Variants in CLEC16A observed in about 807,000 individuals in gnomAD.
The protein encoded by CLEC16A is protein CLEC16A.
Under a neutral mutation model 109.5 loss-of-function variants are expected in CLEC16A, and 51 were observed. The ratio of observed to expected loss-of-function variants is 0.47; its 90% CI spans 0.37 to 0.59. CLEC16A has a LOEUF of 0.59. Among genes scored for constraint, CLEC16A ranks in the 20% least tolerant of loss-of-function variants. The probability of loss-of-function intolerance (pLI) is 0.00; values close to 1 mark genes in which losing one functional copy is unlikely to be tolerated. For synonymous variants in CLEC16A, 673 were observed against 564.2 expected (o/e 1.19, Z -2.73); for missense variants, 1,339 against 1,394.0 (o/e 0.96, Z 0.63).
chr16:10,982,279 C>T (rs900106705), intron 9 of CLEC16A, among the ~76,000 whole-genome samples: 10 of 152,090 alleles, frequency 6.6e-5, no homozygotes, highest in African/African-American at 2.4e-4. Context: ...GCATCCTGGC[C>T]CACCTGGGTT....
At chr16:10,960,279 T>G (rs1258458549) in intron 2 of CLEC16A, among the ~76,000 whole-genome samples, 2 of 152,148 alleles carry the variant, frequency 1.3e-5, no homozygotes, top group African/African-American at 2.4e-5. Context: ...CATAGTACAT[T>G]TTGTTGTCGT....
At chr16:10,966,003 A>G (rs2042483655) in intron 3 of CLEC16A, among the ~76,000 whole-genome samples, 1 of 152,148 alleles carries the variant, frequency 6.6e-6, no homozygotes, top group Non-Finnish European at 1.5e-5. Flanking sequence ...GGGCTCAGTA[A>G]GACACCCCAA....
chr16:10,964,437 G>A (rs1034333741), intron 3 of CLEC16A, among the ~76,000 whole-genome samples: 2 of 152,232 alleles, frequency 1.3e-5, no homozygotes, highest in African/African-American at 2.4e-5. Flanking sequence ...CTCCCTGCAC[G>A]TGCCTGGACA....
chr16:11,174,202 C>T lies in CLEC16A; in HGVS notation c.2807-4133C>T, dbSNP rs574767408. On this transcript the variant is annotated intron_variant, in intron 23 of 23. Coordinates refer to ENST00000409790, the MANE Select transcript of CLEC16A (RefSeq NM_015226.3). The surrounding 1 kb of genome is among the most constrained non-coding windows in gnomAD (Gnocchi z 4.7). ...CGACGAGTGTTCAGCCTGTCGGAGG[C>T]CGACAGTCATGGCGGCCACTGGGTT... is the stretch of plus-strand genomic sequence containing the variant. 44 of 469,578 alleles carry T rather than the reference C, an allele frequency of 9.4e-5. No homozygotes were observed. Among genetic ancestry groups the T allele is most frequent in the South Asian group, 6.8e-4 (44 of 64,550 alleles). The allele number at this position is 469,578 out of a possible 1,614,324, so 29.1% of individuals were successfully genotyped here.
intron 16 of CLEC16A, 62 bp from the exon 17 acceptor site, chr16:11,047,230 C>T: frequency 2.1e-6 from 3 of 1,412,774 alleles, no homozygotes; most frequent in Admixed American, 4.0e-5. Context: ...GTTTATAATA[C>T]TCTGTTGTTT....
At chr16:11,020,124 T>G in intron 11 of CLEC16A, 69 bp from the exon 12 acceptor site, 1 of 1,509,984 alleles carries the variant, frequency 6.6e-7, no homozygotes, top group Non-Finnish European at 8.9e-7. Flanking sequence ...TTCTCCAACA[T>G]GAGCATGTGT....
chr16:11,127,219 A>T (rs2052888921), intron 22 of CLEC16A, among the ~76,000 whole-genome samples: 1 of 152,170 alleles, frequency 6.6e-6, no homozygotes. Flanking sequence ...CTGATGCTGC[A>T]CCTTGCTACT....
chr16:11,008,938 G>A (rs1248569151), intron 11 of CLEC16A, among the ~76,000 whole-genome samples: 14 of 151,946 alleles, frequency 9.2e-5, no homozygotes, highest in Admixed American at 9.2e-4. Context: ...GGCGGAGCTT[G>A]CAGTGAGCCG....
intron 22 of CLEC16A, among the ~76,000 whole-genome samples, chr16:11,127,211 G>A (rs2052888179): frequency 6.6e-6 from 1 of 152,132 alleles, no homozygotes; most frequent in South Asian, 2.1e-4. Flanking sequence ...CCGTATGTCT[G>A]ATGCTGCACC....
intron 19 of CLEC16A, among the ~76,000 whole-genome samples, chr16:11,093,056 C>T (rs2152968456): frequency 6.6e-6 from 1 of 152,334 alleles, no homozygotes; most frequent in South Asian, 2.1e-4. Flanking sequence ...AGACCCATCT[C>T]AGGGATCTCC....
intron 22 of CLEC16A, among the ~76,000 whole-genome samples, chr16:11,134,702 A>T (rs1181695748): frequency 6.6e-6 from 1 of 152,196 alleles, no homozygotes; most frequent in Non-Finnish European, 1.5e-5. Flanking sequence ...TTTGAGTGTC[A>T]TGTCGACACT....
At chr16:10,973,880 C>T (rs2042912486) in intron 7 of CLEC16A, among the ~76,000 whole-genome samples, 1 of 114,008 alleles carries the variant, frequency 8.8e-6, no homozygotes, top group South Asian at 3.3e-4. Context: ...AAGTAAGGGG[C>T]TGCTTGCTTT....
Position 10,961,028 on chromosome 16 carries a change from A to T in CLEC16A, c.210-1427A>T, listed in dbSNP as rs540122617. ...ATGGAGTTTTAAAAAATCTAGGTTCATGGATTTTATGCTAGACCTACCCTG... is the reference window on the plus strand; with the variant it reads ...ATGGAGTTTTAAAAAATCTAGGTTCTTGGATTTTATGCTAGACCTACCCTG... On this transcript the variant is annotated intron_variant, in intron 2 of 23. Coordinates refer to ENST00000409790, the MANE Select transcript of CLEC16A (RefSeq NM_015226.3). The surrounding 1 kb of genome is among the most constrained non-coding windows in gnomAD (Gnocchi z 4.3). 6.6e-6 allele frequency among the ~76,000 whole-genome samples: 1 copy of T among 152,110 alleles called. No homozygotes were observed. The highest frequency in any genetic ancestry group is 1.5e-5 in the Non-Finnish European group (1 of 68,028).
intron 22 of CLEC16A, among the ~76,000 whole-genome samples, chr16:11,158,672 C>T (rs1025783734): frequency 1.3e-5 from 2 of 151,604 alleles, no homozygotes; most frequent in East Asian, 3.9e-4. Flanking sequence ...CCTGTAATCC[C>T]AGGACTTTGG....
At chr16:11,067,156 G>GTT (rs201380415) in intron 19 of CLEC16A, among the ~76,000 whole-genome samples, 15 of 125,772 alleles carry the variant, frequency 1.2e-4, no homozygotes, top group Admixed American at 3.9e-4. Flanking sequence ...TGTTGTGGGG[G>GTT]TTTTTTTTTT....
chr16:11,089,642 C>T (rs925845422), intron 19 of CLEC16A, among the ~76,000 whole-genome samples: 12 of 152,222 alleles, frequency 7.9e-5, no homozygotes, highest in Admixed American at 5.2e-4. Context: ...CAGAAGCTTA[C>T]CCATCTGCTG....
chr16:11,033,651 C>G (rs1210130429), intron 13 of CLEC16A, among the ~76,000 whole-genome samples: 1 of 152,130 alleles, frequency 6.6e-6, no homozygotes, highest in East Asian at 1.9e-4. Flanking sequence ...AAATCAGGTC[C>G]CAAGTGACCT....
chr16:10,988,958 G>A (rs544273577), intron 10 of CLEC16A, among the ~76,000 whole-genome samples: 8 of 152,278 alleles, frequency 5.3e-5, no homozygotes, highest in African/African-American at 1.9e-4. Context: ...CTTCTTCCCT[G>A]GGCTTACGAG....
At chr16:10,968,027 C>A (rs912925528) in intron 3 of CLEC16A, among the ~76,000 whole-genome samples, 1 of 152,220 alleles carries the variant, frequency 6.6e-6, no homozygotes, top group East Asian at 1.9e-4. Context: ...CTCTGAGTAG[C>A]GAGGCTCCAA....
Sources: allele counts gnomAD v4.1 joint callset (sites outside exome capture counted in the v4.1 genomes callset), GRCh38; gene constraint gnomAD v4.1.1; non-coding constraint Gnocchi (gnomAD v3.1); transcripts MANE v1.5; gene names NCBI Gene and HGNC (gene_info 2026-07-23, HGNC 2026-07-21).